Variants in COG7 observed in about 807,000 individuals in gnomAD.
COG7 encodes the protein component of oligomeric golgi complex 7, also known as conserved oligomeric Golgi complex subunit 7.
Under a neutral mutation model 91.5 loss-of-function variants are expected in COG7, and 49 were observed. The ratio of observed to expected loss-of-function variants is 0.54; its 90% CI spans 0.43 to 0.68. COG7 has a LOEUF of 0.68. COG7 is among the 30% of genes least tolerant of loss of function. The pLI is 0.00. For synonymous variants in COG7, 365 were observed against 388.7 expected, an observed-to-expected ratio of 0.94 and a Z score of 0.72; for missense variants, 895 against 961.3, an observed-to-expected ratio of 0.93 and a Z score of 0.91.
intron 3 of COG7, 78 bp downstream of exon 3, chr16:23,444,970 T>C: frequency 9.5e-7 from 1 of 1,057,866 alleles, no homozygotes; most frequent in East Asian, 2.4e-5. Context: ...CTATCAACTT[T>C]GTATCTCTTT....
intron 6 of COG7, among the ~76,000 whole-genome samples, chr16:23,425,625 C>A (rs911956171): frequency 6.6e-6 from 1 of 152,124 alleles, no homozygotes; most frequent in Non-Finnish European, 1.5e-5. Flanking sequence ...CAGGTGTGAG[C>A]CACATCACCT....
intron 9 of COG7, chr16:23,414,727 A>C (rs1963624727): frequency 6.6e-6 from 1 of 152,254 alleles, no homozygotes; most frequent in Non-Finnish European, 1.5e-5. Context: ...CCCAGGAACT[A>C]GCACAGAGCT....
At position 23,452,849 on chromosome 16, in the gene COG7, T is replaced by C; in HGVS notation, c.146A>G (p.Gln49Arg). Residue 49 changes from glutamine to arginine, a missense_variant, in exon 1 of 17, where the codon CAA (glutamine) becomes CGA (arginine). Physicochemically the swap from Gln to Arg is conservative, Grantham distance 43. Coordinates refer to ENST00000307149, the MANE Select transcript of COG7 (RefSeq NM_153603.4). ...ACCCTCCACGGCGTGGTTCACCTCT[T>C]GGATGAACAGCTGCAGCTTCATCAC... ...TLVMKLQLFI[Q>R]EVNHAVEETS... 6.2e-7 allele frequency: 1 copy of C among 1,613,584 alleles called. No homozygotes were observed. Among genetic ancestry groups the C allele is most frequent in the Non-Finnish European group, 8.5e-7 (1 of 1,179,852 alleles).
intron 1 of COG7, among the ~76,000 whole-genome samples, chr16:23,452,033 C>T (rs550945042): frequency 6.6e-6 from 1 of 152,254 alleles, no homozygotes; most frequent in Non-Finnish European, 1.5e-5. Flanking sequence ...TGACACTGGG[C>T]TCTTGACTCT....
At chr16:23,410,917 G>A (rs1386116433) in intron 10 of COG7, among the ~76,000 whole-genome samples, 1 of 152,126 alleles carries the variant, frequency 6.6e-6, no homozygotes, top group Non-Finnish European at 1.5e-5. Flanking sequence ...ATATTGGCCA[G>A]GCTGGTCTCA....
intron 12 of COG7, 34 bp from the exon 13 acceptor site, chr16:23,403,868 G>T (rs1418417744): frequency 6.2e-7 from 1 of 1,613,802 alleles, no homozygotes; most frequent in South Asian, 1.1e-5. Flanking sequence ...CAGTTGTTAG[G>T]CCTGAAACCC....
At chr16:23,394,263 G>A (rs1221083429) in intron 14 of COG7, among the ~76,000 whole-genome samples, 5 of 152,230 alleles carry the variant, frequency 3.3e-5, no homozygotes, top group Middle Eastern at 3.4e-3. Context: ...AATTGCAAAA[G>A]GTCATTTGCA....
chr16:23,442,386 T>A, intron 4 of COG7, 91 bp downstream of exon 4: 4 of 1,031,734 alleles, frequency 3.9e-6, no homozygotes, highest in Non-Finnish European at 6.0e-6. Context: ...TGTAATTCAA[T>A]CACCATTAAG....
intron 4 of COG7, among the ~76,000 whole-genome samples, chr16:23,440,226 T>C (rs908056969): frequency 2.0e-5 from 3 of 151,694 alleles, no homozygotes; most frequent in African/African-American, 7.3e-5. Context: ...CCATCTCCAC[T>C]AAAAATACAA....
chr16:23,402,603 C>T (rs1963396346), intron 13 of COG7, among the ~76,000 whole-genome samples: 1 of 152,182 alleles, frequency 6.6e-6, no homozygotes, highest in Non-Finnish European at 1.5e-5. Flanking sequence ...GAAACGGAGG[C>T]TCACGGAGGA....
chr16:23,395,923 C>T (rs1963277963), intron 14 of COG7, among the ~76,000 whole-genome samples: 3 of 152,216 alleles, frequency 2.0e-5, no homozygotes, highest in Admixed American at 1.3e-4. Context: ...GGATCATCAT[C>T]GCTGAAATGA....
At chr16:23,432,070 C>T (rs1053675988) in intron 6 of COG7, among the ~76,000 whole-genome samples, 1 of 151,932 alleles carries the variant, frequency 6.6e-6, no homozygotes, top group Admixed American at 6.6e-5. Flanking sequence ...CAGCTTGAAC[C>T]CAGGAGGCCG....
intron 4 of COG7, among the ~76,000 whole-genome samples, chr16:23,441,373 A>C (rs1412323618): frequency 6.6e-6 from 1 of 152,112 alleles, no homozygotes; most frequent in African/African-American, 2.4e-5. Context: ...TCAGGAGTTC[A>C]AGACCAGCCT....
intron 6 of COG7, among the ~76,000 whole-genome samples, chr16:23,428,432 A>G (rs967347676): frequency 6.6e-6 from 1 of 152,130 alleles, no homozygotes; most frequent in African/African-American, 2.4e-5. Flanking sequence ...TTAATGGACA[A>G]AAGACCTGAA....
Position 23,434,737 on chromosome 16 carries a change from A to G in COG7, c.605-19T>C, listed in dbSNP as rs756835897. 1 of 1,556,602 alleles carries G rather than the reference A, an allele frequency of 6.4e-7. No individual in the cohort carries two copies. The highest frequency in any genetic ancestry group is 8.9e-7 in the Non-Finnish European group (1 of 1,127,602). On this transcript the variant is annotated intron_variant, in intron 4 of 16. Transcript: ENST00000307149. ...GACTGATCTAAAGAACATACAATGT[A>G]TATATACTGTTACCAGCCTTTCTGG... is the stretch of plus-strand genomic sequence containing the variant.
In COG7 at chr16:23,445,970, A is replaced by T. The variant is rs1359321909; in HGVS notation, c.170-9T>A. ...AGCTTGGTGACTTGTTTCTGTAGTT[A>T]AAAAAAAAAAAAAAAACAACAACAA... is the stretch of plus-strand genomic sequence containing the variant. On this transcript the variant is annotated splice_polypyrimidine_tract_variant and intron_variant, in intron 1 of 16. Transcript: ENST00000307149. 33 of 171,626 alleles carry T rather than the reference A, an allele frequency of 1.9e-4. No homozygotes were observed. Among genetic ancestry groups the T allele is most frequent in the East Asian group, 9.3e-4 (3 of 3,224 alleles). The allele number at this position is 171,626 out of a possible 1,614,324, so 10.6% of individuals were successfully genotyped here.
chr16:23,399,860 G>A (rs1963346064), intron 13 of COG7, among the ~76,000 whole-genome samples: 1 of 152,066 alleles, frequency 6.6e-6, no homozygotes, highest in Non-Finnish European at 1.5e-5. Context: ...AAATCTCTAC[G>A]TGCAGGATCC....
chr16:23,398,804 TC>T (rs894716917), intron 13 of COG7, among the ~76,000 whole-genome samples: 4 of 152,172 alleles, frequency 2.6e-5, no homozygotes, highest in African/African-American at 9.7e-5. Context: ...CTCTCTGTAG[TC>T]CCCCTGTGCG....
chr16:23,417,241 T>C (rs1398141411), intron 8 of COG7, 120 bp from the exon 9 acceptor site: 5 of 1,050,586 alleles, frequency 4.8e-6, no homozygotes, highest in Middle Eastern at 2.3e-4. Context: ...GTCAGAAATA[T>C]AGTCCCAACG....
Sources: gnomAD v4.1 joint callset for allele counts (sites outside exome capture counted in the v4.1 genomes callset) on GRCh38, gnomAD v4.1.1 for gene constraint, MANE v1.5 for transcripts, NCBI Gene and HGNC (gene_info 2026-07-23, HGNC 2026-07-21) for gene names.